SH3KBP1: variants seen among roughly 807,000 people sequenced by gnomAD.
SH3KBP1 encodes SH3 domain containing kinase binding protein 1.
In SH3KBP1, 8 loss-of-function variants were observed where a neutral mutation model predicts 50.1. That is an observed-to-expected ratio of 0.16 (90% confidence interval 0.09 to 0.29). The LOEUF is 0.29. Ranked by LOEUF, SH3KBP1 falls within the 10% of genes least tolerant of loss-of-function variation. The probability of loss-of-function intolerance (pLI) is 1.00; values close to 1 mark genes in which losing one functional copy is unlikely to be tolerated. For missense variants in SH3KBP1, 377 were observed against 535.2 expected (o/e 0.70, Z 2.92); for synonymous variants, 227 against 218.6 (o/e 1.04, Z -0.34).
chrX:19,588,602 G>A (rs1463749492), intron 12 of SH3KBP1, 41 bp downstream of exon 12: 2 of 1,204,447 alleles, frequency 1.7e-6, no homozygotes, highest in African/African-American at 3.6e-5. Flanking sequence ...TCCTTCCATA[G>A]CCACCCCACA....
At chrX:19,744,991 C>G (rs1171748654) in intron 3 of SH3KBP1, among the ~76,000 whole-genome samples, 1 of 112,276 alleles carries the variant, frequency 8.9e-6, no homozygotes, top group Non-Finnish European at 1.9e-5. Context: ...ATTGCCGTGC[C>G]CGCGGACCCA....
chrX:19,578,048 A>G (rs1339170035), intron 12 of SH3KBP1, among the ~76,000 whole-genome samples: 1 of 112,116 alleles, frequency 8.9e-6, no homozygotes, highest in Non-Finnish European at 1.9e-5. Flanking sequence ...CACATCCTCT[A>G]TTGTTCATCA....
chrX:19,861,729 G>T (rs778651829), intron 1 of SH3KBP1, among the ~76,000 whole-genome samples: 2 of 111,459 alleles, frequency 1.8e-5, no homozygotes, highest in East Asian at 5.6e-4. Context: ...ACTGTGAAGT[G>T]GATGCCTAAT....
At chrX:19,824,243 A>G (rs1944096055) in intron 2 of SH3KBP1, among the ~76,000 whole-genome samples, 1 of 112,468 alleles carries the variant, frequency 8.9e-6, no homozygotes, top group Non-Finnish European at 1.9e-5. Flanking sequence ...CATATTCACT[A>G]ATATAGCTAT....
intron 9 of SH3KBP1, among the ~76,000 whole-genome samples, chrX:19,602,787 G>A (rs2067128225): frequency 8.9e-6 from 1 of 112,033 alleles, no homozygotes. Flanking sequence ...TAAAGAAAAT[G>A]TTGACTAAGA....
At chrX:19,834,300 C>T (rs2067997780) in intron 2 of SH3KBP1, among the ~76,000 whole-genome samples, 1 of 111,881 alleles carries the variant, frequency 8.9e-6, no homozygotes, top group African/African-American at 3.3e-5. Context: ...TCTCTGGGCC[C>T]AAGGTTCCCC....
chrX:19,678,400 T>C (rs771061142), intron 6 of SH3KBP1, among the ~76,000 whole-genome samples: 1 of 108,877 alleles, frequency 9.2e-6, no homozygotes, highest in Non-Finnish European at 1.9e-5. Context: ...ATTCTAAAAT[T>C]TAAATTAAAA....
chrX:19,627,852 T>C lies in SH3KBP1; in HGVS notation c.897+4012A>G, dbSNP rs540837575. On this transcript the variant is annotated intron_variant, in intron 8 of 17. Coordinates refer to ENST00000397821, the MANE Select transcript of SH3KBP1 (RefSeq NM_031892.3). ...AAGTAAATGTCAGAGGAATTCGGGG[T>C]CTATCAGGAACCTCTACGGCGAACA... Among the ~76,000 whole-genome samples the C allele has an allele frequency of 2.7e-5, 3 of 111,891 alleles. No individual in the cohort carries two copies. In the South Asian group the frequency reaches 1.1e-3, roughly 42 times the overall value.
chrX:19,603,750 T>C (rs932782567), intron 9 of SH3KBP1, among the ~76,000 whole-genome samples: 2 of 112,105 alleles, frequency 1.8e-5, no homozygotes, highest in Non-Finnish European at 1.9e-5. Context: ...TGCACTGGCA[T>C]GATCACAGCA....
At chrX:19,574,073 C>G (rs1323337374) in intron 12 of SH3KBP1, among the ~76,000 whole-genome samples, 1 of 111,174 alleles carries the variant, frequency 9.0e-6, no homozygotes, top group Non-Finnish European at 1.9e-5. Flanking sequence ...GACATTTCAT[C>G]ATCTCCTTTG....
intron 3 of SH3KBP1, among the ~76,000 whole-genome samples, chrX:19,742,762 CAT>C (rs2064807739): frequency 1.8e-5 from 2 of 111,740 alleles, no homozygotes; most frequent in South Asian, 7.4e-4. Context: ...TTGAAGAAAA[CAT>C]ACAACTCTTT....
At chrX:19,735,728 G>GC (rs1336972347) in intron 3 of SH3KBP1, among the ~76,000 whole-genome samples, 2 of 73,874 alleles carry the variant, frequency 2.7e-5, no homozygotes, top group South Asian at 1.2e-3. Context: ...TTTTGGCGGG[G>GC]GGGGGGGGTG....
intron 12 of SH3KBP1, among the ~76,000 whole-genome samples, chrX:19,581,912 C>T (rs1284841064): frequency 9.3e-6 from 1 of 107,960 alleles, no homozygotes; most frequent in Non-Finnish European, 1.9e-5. Context: ...TTATCCTATG[C>T]TCCAATTCTC....
chrX:19,666,690 G>A (rs2062607459), intron 6 of SH3KBP1, among the ~76,000 whole-genome samples: 1 of 111,586 alleles, frequency 9.0e-6, no homozygotes, highest in Non-Finnish European at 1.9e-5. Flanking sequence ...AAAGCAAACA[G>A]AAAATAACAA....
intron 8 of SH3KBP1, among the ~76,000 whole-genome samples, chrX:19,616,818 G>C (rs1472038516): frequency 9.0e-6 from 1 of 110,661 alleles, no homozygotes; most frequent in Non-Finnish European, 1.9e-5. Context: ...TTCTCAACAC[G>C]AGGATAGCAC....
intron 3 of SH3KBP1, among the ~76,000 whole-genome samples, chrX:19,716,426 C>T (rs755145210): frequency 4.5e-5 from 5 of 112,205 alleles, no homozygotes; most frequent in Admixed American, 2.8e-4. Context: ...CATCTCTGCA[C>T]CGCAGAACAC....
At chrX:19,585,449 T>C (rs1183105363) in intron 12 of SH3KBP1, among the ~76,000 whole-genome samples, 4 of 111,740 alleles carry the variant, frequency 3.6e-5, no homozygotes, top group African/African-American at 1.3e-4. Flanking sequence ...GGTGTTTGCA[T>C]CCCAAGTAGC....
chrX:19,691,428 TTATATA>T (rs756177568), intron 5 of SH3KBP1, among the ~76,000 whole-genome samples: 1 of 99,901 alleles, frequency 1.0e-5, no homozygotes, highest in Admixed American at 1.1e-4. Flanking sequence ...ATATTCAGGT[TTATATA>T]TATATATATA....
intron 8 of SH3KBP1, among the ~76,000 whole-genome samples, chrX:19,617,648 T>C (rs777656051): frequency 2.4e-4 from 27 of 112,493 alleles, no homozygotes; most frequent in Non-Finnish European, 4.1e-4. Flanking sequence ...GATAAATACA[T>C]GCAGTAAGTT....
Sources: gnomAD v4.1 joint callset for allele counts (sites outside exome capture counted in the v4.1 genomes callset) on GRCh38, gnomAD v4.1.1 for gene constraint, MANE v1.5 for transcripts, NCBI Gene and HGNC (gene_info 2026-07-23, HGNC 2026-07-21) for gene names.